Variants in WDR18 observed in about 807,000 individuals in gnomAD.
WDR18 encodes the protein WD repeat-containing protein 18.
Under a neutral mutation model 49.6 loss-of-function variants are expected in WDR18, and 33 were observed. The ratio of observed to expected loss-of-function variants is 0.67; its 90% CI spans 0.50 to 0.89. WDR18 has a LOEUF of 0.89. Among genes scored for constraint, WDR18 ranks in the 40% least tolerant of loss-of-function variants. WDR18 has a pLI of 0.00. For synonymous variants in WDR18, 315 were observed against 263.6 expected, an observed-to-expected ratio of 1.19 and a Z score of -1.89; for missense variants, 653 against 593.6, an observed-to-expected ratio of 1.10 and a Z score of -1.04.
At chr19:992,164 G>A in intron 8 of WDR18, 43 bp downstream of exon 8, 2 of 1,409,846 alleles carry the variant, frequency 1.4e-6, no homozygotes, top group Non-Finnish European at 1.8e-6. Flanking sequence ...TTTTGTCCCG[G>A]AAGACCCCGC....
chr19:987,357 G>A (rs2038485572), intron 2 of WDR18, among the ~76,000 whole-genome samples: 1 of 152,086 alleles, frequency 6.6e-6, no homozygotes, highest in Non-Finnish European at 1.5e-5. Flanking sequence ...GAAAAGGGGG[G>A]TCGGGACAGG....
At position 994,066 on chromosome 19, in the gene WDR18, T is replaced by A. The variant is rs758863930; in HGVS notation, c.1145T>A (p.Val382Asp). 3 of 1,560,366 alleles carry A rather than the reference T, an allele frequency of 1.9e-6. No individual in the cohort carries two copies. The African/African-American group carries it at 4.1e-5, about 21-fold the overall frequency. The change falls in exon 9 of 10, where the codon GTC becomes GAC. Residue 382 changes from valine (V) to aspartate (D), a missense_variant. Val to Asp is a radical substitution (Grantham distance 152). Coordinates refer to ENST00000585809, the MANE Select transcript of WDR18 (RefSeq NM_024100.4). ...GACCGCACGGAGCAGCTGCAGGCCG[T>A]CCTGTGCAGCACCATGGAGAAGGTG... ...YLDRTEQLQA[V>D]LCSTMEKSVL...
chr19:991,977 C>CCTG lies in WDR18; in HGVS notation c.958_960dup (p.Leu320dup). 5 of 1,594,040 alleles carry CCTG rather than the reference C, an allele frequency of 3.1e-6. No individual in the cohort carries two copies. Among genetic ancestry groups the CCTG allele is most frequent in the Non-Finnish European group, 4.3e-6 (5 of 1,174,918 alleles). On this transcript the variant is annotated inframe_insertion, in exon 8 of 10. Transcript: ENST00000585809. Reference sequence around the variant, plus strand: ...CAGGCCCAGTCACCAATGCCGCCATCCTGCTGGCGCCCGTCAGCATGCTGA... The same window carrying CCTG: ...CAGGCCCAGTCACCAATGCCGCCATCCTGCTGCTGGCGCCCGTCAGCATGCTGA...
rs2038607440 is a variant in WDR18, at chr19:994,524, C to CT, written c.*181dup. On this transcript the variant is annotated 3_prime_UTR_variant, in exon 10 of 10. Coordinates refer to ENST00000585809, the MANE Select transcript of WDR18 (RefSeq NM_024100.4). ...TCTCGTGGCACGCGTCACAGTGGTG[C>CT]TAGTCTGTTTTTAACAAAAGAGGAT... 4 of 880,928 alleles carry CT rather than the reference C, an allele frequency of 4.5e-6. No individual in the cohort carries two copies. The highest frequency in any genetic ancestry group is 5.8e-5 in the Admixed American group (2 of 34,344). The allele number at this position is 880,928 out of a possible 1,614,324, so 54.6% of individuals were successfully genotyped here. A position where few individuals can be genotyped will look rare whatever the true frequency, so the allele number is the denominator to read the frequency against.
chr19:988,165 T>C (rs2285898), intron 2 of WDR18, among the ~76,000 whole-genome samples: 69,238 of 151,610 alleles, frequency 0.46, 16,585 homozygotes, highest in Non-Finnish European at 0.54. Flanking sequence ...GCTGTGACCA[T>C]GAAGGGGTGT....
rs1035969939 is a variant in WDR18 at position 984,600 on chromosome 19, C to A, written c.210+37C>A. The A allele has an allele frequency of 3.2e-5, 44 of 1,378,552 alleles. No individual in the cohort carries two copies. In the African/African-American group the frequency reaches 6.2e-4, roughly 20 times the overall value. 85.4% of individuals were successfully genotyped at this position (1,378,552 alleles called of 1,614,324 possible). On this transcript the variant is annotated intron_variant, in intron 1 of 9. Coordinates refer to ENST00000585809, the MANE Select transcript of WDR18 (RefSeq NM_024100.4). ...CGGTCTCGCTGCTGGGGTCATGGGG[C>A]GCCCGAGGCTGAAGTCGGGGGATGG...
chr19:985,678 G>A (rs1422127818), intron 1 of WDR18, among the ~76,000 whole-genome samples, 187 bp from the exon 2 acceptor site: 3 of 152,082 alleles, frequency 2.0e-5, no homozygotes, highest in Non-Finnish European at 4.4e-5. Flanking sequence ...CTCCAGCCTC[G>A]AAGCCTCTTG....
Position 991,989 on chromosome 19 carries a change from C to A in WDR18, c.966C>A (p.Pro322=), listed in dbSNP as rs375148723. Residue 322 remains proline, a synonymous_variant, in exon 8 of 10, where the codon CCC becomes CCA. Transcript: ENST00000585809. ...PVTNAAILLA[P]VSMLSSDFRP... is the part of the protein sequence containing the mutation. Reference sequence around the variant, plus strand: ...CCAATGCCGCCATCCTGCTGGCGCCCGTCAGCATGCTGAGCTCAGACTTCA... The same window carrying A: ...CCAATGCCGCCATCCTGCTGGCGCCAGTCAGCATGCTGAGCTCAGACTTCA... 9 of 1,597,026 alleles carry A rather than the reference C, an allele frequency of 5.6e-6. No homozygotes were observed. In the Admixed American group the frequency reaches 1.3e-4, roughly 24 times the overall value.
chr19:986,695 A>G (rs1385358233), intron 2 of WDR18, among the ~76,000 whole-genome samples: 2 of 152,234 alleles, frequency 1.3e-5, no homozygotes, highest in Non-Finnish European at 2.9e-5. Context: ...CATTTAGGCC[A>G]GCTTCTCAGC....
At chr19:990,053 G>A (rs1435704662) in intron 3 of WDR18, 158 bp downstream of exon 3, 2 of 1,399,888 alleles carry the variant, frequency 1.4e-6, no homozygotes, top group Non-Finnish European at 9.4e-7. Flanking sequence ...GCCCACACTG[G>A]GGTCTGGTTT....
rs2038468999 is a variant in WDR18 at position 985,855 on chromosome 19, G to A, written c.211-10G>A. 2 of 1,613,310 alleles carry A rather than the reference G, an allele frequency of 1.2e-6. No homozygotes were observed. The highest frequency in any genetic ancestry group is 8.5e-7 in the Non-Finnish European group (1 of 1,179,744). ...GCATGGGGCTCACGAGGCTGACTGT[G>A]CATCCTTAGGACCAGCTCCAGCAGA... On this transcript the variant is annotated splice_polypyrimidine_tract_variant and intron_variant, in intron 1 of 9. Coordinates refer to ENST00000585809, the MANE Select transcript of WDR18 (RefSeq NM_024100.4).
Position 992,141 on chromosome 19 carries a change from AC to A in WDR18, c.1098+25del. 1 of 1,437,608 alleles carries A rather than the reference AC, an allele frequency of 7.0e-7. No homozygotes were observed. The highest frequency in any genetic ancestry group is 9.1e-7 in the Non-Finnish European group (1 of 1,102,582). The allele number at this position is 1,437,608 out of a possible 1,614,324, so 89.1% of individuals were successfully genotyped here. ...CAGCAGGTACGGCCCCCAGCAGGGA[AC>A]CCCCACTGCCCTTTTGTCCCGGAAG... On this transcript the variant is annotated intron_variant, in intron 8 of 9. Transcript: ENST00000585809.
At chr19:990,181 C>T (rs1466432852) in intron 3 of WDR18, 42 bp from the exon 4 acceptor site, 1 of 1,563,528 alleles carries the variant, frequency 6.4e-7, no homozygotes, top group South Asian at 1.2e-5. Context: ...GCCCTGTTCC[C>T]TCCGCTCCCC....
rs575582559 is a variant in WDR18 at position 991,369 on chromosome 19, C to T, written c.931+18C>T. The T allele has an allele frequency of 3.4e-5, 51 of 1,510,180 alleles. No homozygotes were observed. The highest frequency in any genetic ancestry group is 6.0e-5 in the South Asian group (5 of 83,108). 93.5% of individuals were successfully genotyped at this position (1,510,180 alleles called of 1,614,324 possible). A position where few individuals can be genotyped will look rare whatever the true frequency, so the allele number is the denominator to read the frequency against. ...CCTCAAAGGTGGGCGCGCCTCTGCT[C>T]GGCCCGCGGCCAGCGCGCAGGGGAA... On this transcript the variant is annotated intron_variant, in intron 7 of 9. Transcript: ENST00000585809.
chr19:984,650 T>G, intron 1 of WDR18, 87 bp downstream of exon 1: 1 of 1,277,634 alleles, frequency 7.8e-7, no homozygotes, highest in Non-Finnish European at 1.0e-6. Context: ...CGTGCACCCT[T>G]AGTCGGAATT....
At chr19:982,949 C>G (rs2038433322), upstream of WDR18, among the ~76,000 whole-genome samples, 1 of 152,152 alleles carries the variant, frequency 6.6e-6, no homozygotes, top group Non-Finnish European at 1.5e-5. Context: ...GCCGTGCCCT[C>G]CGCCGGGAGC....
In WDR18 at chr19:992,022, C is replaced by T; in HGVS notation, c.999C>T (p.Ser333=). ...TGCTGAGCTCAGACTTCAGGCCCAG[C>T]CTGCCGCTGCCCCACTTCAACAAGC... ...VSMLSSDFRP[S]LPLPHFNKHL... The change falls in exon 8 of 10, where the codon AGC becomes AGT. Residue 333 remains serine, a synonymous_variant. Coordinates refer to ENST00000585809, the MANE Select transcript of WDR18 (RefSeq NM_024100.4). The T allele has an allele frequency of 6.3e-7, 1 of 1,594,150 alleles. No individual in the cohort carries two copies. The highest frequency in any genetic ancestry group is 8.5e-7 in the Non-Finnish European group (1 of 1,174,356).
intron 2 of WDR18, among the ~76,000 whole-genome samples, chr19:986,278 G>A (rs2038474050): frequency 6.6e-6 from 1 of 152,186 alleles, no homozygotes; most frequent in Non-Finnish European, 1.5e-5. Flanking sequence ...GCAGGCGGCA[G>A]CGCCTGGCAC....
In WDR18 at chr19:984,366, A is replaced by C. The variant is rs756267474; in HGVS notation, c.13A>C (p.Met5Leu). The change falls in exon 1 of 10, where the codon ATG (methionine) becomes CTG (leucine). Residue 5 changes from methionine to leucine, a missense_variant. Physicochemically the swap from Met to Leu is conservative, Grantham distance 15. Transcript: ENST00000585809. MAAP[M>L]EVAVCTDSAA... is the part of the protein sequence containing the mutation. The stretch of plus-strand genomic sequence containing the variant: ...TGGGGAAGGCAAGATGGCGGCGCCC[A>C]TGGAGGTGGCCGTGTGTACGGACTC... 1.3e-6 allele frequency: 2 copies of C among 1,588,320 alleles called. No homozygotes were observed. The highest frequency in any genetic ancestry group is 1.7e-6 in the Non-Finnish European group (2 of 1,169,398).
Sources: allele counts gnomAD v4.1 joint callset (sites outside exome capture counted in the v4.1 genomes callset), GRCh38; gene constraint gnomAD v4.1.1; transcripts MANE v1.5; gene names NCBI Gene and HGNC (gene_info 2026-07-23, HGNC 2026-07-21).